Variants in GNAI3 observed in about 807,000 individuals in gnomAD.
The protein encoded by GNAI3 is guanine nucleotide-binding protein G(i) subunit alpha-3.
In GNAI3, 12 loss-of-function variants were observed where a neutral mutation model predicts 41.8. The observed-to-expected ratio is 0.29, with a 90% CI of 0.18 to 0.47. The LOEUF is 0.47. Among genes scored for constraint, GNAI3 ranks in the 20% least tolerant of loss-of-function variants. The pLI, the probability that GNAI3 is intolerant of heterozygous loss-of-function variation, is 1.00. For synonymous variants in GNAI3, 132 were observed against 146.5 expected, an observed-to-expected ratio of 0.90 and a Z score of 0.71; for missense variants, 360 against 429.6, an observed-to-expected ratio of 0.84 and a Z score of 1.43.
intron 3 of GNAI3, among the ~76,000 whole-genome samples, chr1:109,575,060 G>C (rs1404684735): frequency 6.6e-6 from 1 of 152,216 alleles, no homozygotes; most frequent in East Asian, 1.9e-4. Flanking sequence ...CTGGATTAGG[G>C]ATTGTGAAAT....
chr1:109,548,696 C>T lies in GNAI3; in HGVS notation c.-25C>T. 6.5e-7 allele frequency: 1 copy of T among 1,528,630 alleles called. No homozygotes were observed. Among genetic ancestry groups the T allele is most frequent in the Non-Finnish European group, 9.1e-7 (1 of 1,103,816 alleles). 94.7% of individuals were successfully genotyped at this position (1,528,630 alleles called of 1,614,324 possible). ...TTCCGTGGTGTGAGTGAGTCCGGGC[C>T]CGTGTCCCCTCTCCCGCCGCCGCCA... On this transcript the variant is annotated 5_prime_UTR_variant, in exon 1 of 9. Transcript: ENST00000369851.
chr1:109,586,485 C>A, intron 6 of GNAI3, 140 bp downstream of exon 6: 1 of 889,326 alleles, frequency 1.1e-6, no homozygotes, highest in Non-Finnish European at 1.7e-6. Context: ...TGCCCTATTA[C>A]TCTAAAAAAG....
At chr1:109,557,255 G>A (rs1169703018) in intron 1 of GNAI3, among the ~76,000 whole-genome samples, 4 of 152,092 alleles carry the variant, frequency 2.6e-5, no homozygotes, top group Admixed American at 2.0e-4. Flanking sequence ...CTGTTTTGAT[G>A]TTCTGAATTG....
At chr1:109,568,531 G>A (rs947843002) in intron 1 of GNAI3, among the ~76,000 whole-genome samples, 4 of 152,068 alleles carry the variant, frequency 2.6e-5, no homozygotes, top group Non-Finnish European at 5.9e-5. Context: ...GGGTGACAGA[G>A]CAAGACTCTG....
At chr1:109,589,214 A>G (rs527333169) in intron 7 of GNAI3, among the ~76,000 whole-genome samples, 8 of 152,206 alleles carry the variant, frequency 5.3e-5, no homozygotes, top group Non-Finnish European at 1.0e-4. Context: ...AGCAGCCTCT[A>G]TTGGCAGGAG....
At chr1:109,553,633 G>A (rs1482056818) in intron 1 of GNAI3, among the ~76,000 whole-genome samples, 2 of 152,166 alleles carry the variant, frequency 1.3e-5, no homozygotes, top group African/African-American at 2.4e-5. Flanking sequence ...GGATGCATCT[G>A]TGTTTCGGGG....
intron 3 of GNAI3, among the ~76,000 whole-genome samples, chr1:109,578,269 G>A (rs1172228725): frequency 1.3e-5 from 2 of 151,948 alleles, no homozygotes. Flanking sequence ...TCAGGTGTTC[G>A]AGACCAGCCT....
intron 7 of GNAI3, among the ~76,000 whole-genome samples, chr1:109,587,751 T>C (rs1649069093): frequency 6.6e-6 from 1 of 152,098 alleles, no homozygotes; most frequent in Non-Finnish European, 1.5e-5. Context: ...ATGGGGTGCA[T>C]GATATAGAAG....
intron 3 of GNAI3, among the ~76,000 whole-genome samples, chr1:109,576,144 C>T (rs1375770714): frequency 6.6e-6 from 1 of 152,182 alleles, no homozygotes; most frequent in African/African-American, 2.4e-5. Flanking sequence ...TTTTGGCTCA[C>T]TGCAACCTCT....
At chr1:109,586,070 T>G (rs1228013507) in intron 5 of GNAI3, 146 bp from the exon 6 acceptor site, 2 of 541,058 alleles carry the variant, frequency 3.7e-6, no homozygotes, top group Middle Eastern at 3.0e-4. Flanking sequence ...CCAGGATAAT[T>G]ATTTTGACTG....
chr1:109,586,580 G>A (rs1571162431), intron 6 of GNAI3, 149 bp from the exon 7 acceptor site: 1 of 684,556 alleles, frequency 1.5e-6, no homozygotes, highest in East Asian at 2.7e-5. Flanking sequence ...ACAAAAATGA[G>A]GACTGACACT....
intron 1 of GNAI3, among the ~76,000 whole-genome samples, chr1:109,558,870 A>C (rs978308906): frequency 1.3e-5 from 2 of 151,978 alleles, no homozygotes; most frequent in African/African-American, 4.8e-5. Context: ...GAAAGAAGGG[A>C]TGCAGGTCTT....
chr1:109,587,408 A>G lies in GNAI3; in HGVS notation c.874+526A>G, dbSNP rs116831366. 9.2e-3 allele frequency among the ~76,000 whole-genome samples: 1,399 copies of G among 152,328 alleles called. 22 individuals carry two copies. The highest frequency in any genetic ancestry group is 0.012 in the Non-Finnish European group (829 of 68,032). On this transcript the variant is annotated intron_variant, in intron 7 of 8. Coordinates refer to ENST00000369851, the MANE Select transcript of GNAI3 (RefSeq NM_006496.4). ...CATAAATAATTTTATTATAGTGTAAAATATGCATTAATAGAAGTGGAATAG... is the reference window on the plus strand; with the variant it reads ...CATAAATAATTTTATTATAGTGTAAGATATGCATTAATAGAAGTGGAATAG...
Position 109,548,715 on chromosome 1 carries a change from G to A in GNAI3, c.-6G>A, listed in dbSNP as rs1647893275. 8 of 1,606,414 alleles carry A rather than the reference G, an allele frequency of 5.0e-6. No individual in the cohort carries two copies. The South Asian group carries it at 8.8e-5, about 18-fold the overall frequency. ...CCGGGCCCGTGTCCCCTCTCCCGCC[G>A]CCGCCATGGGCTGCACGTTGAGCGC... On this transcript the variant is annotated 5_prime_UTR_variant, in exon 1 of 9. Coordinates refer to ENST00000369851, the MANE Select transcript of GNAI3 (RefSeq NM_006496.4).
At chr1:109,575,861 T>C (rs891559414) in intron 3 of GNAI3, among the ~76,000 whole-genome samples, 3 of 152,052 alleles carry the variant, frequency 2.0e-5, no homozygotes, top group African/African-American at 7.2e-5. Context: ...TCAATTGTCA[T>C]TAATCTTTGT....
chr1:109,584,148 TC>T (rs1648978205), intron 5 of GNAI3, among the ~76,000 whole-genome samples: 1 of 152,312 alleles, frequency 6.6e-6, no homozygotes, highest in Non-Finnish European at 1.5e-5. Context: ...AAACAACTGT[TC>T]CACAGGATTT....
intron 1 of GNAI3, among the ~76,000 whole-genome samples, chr1:109,573,103 G>A (rs953703478): frequency 6.6e-6 from 1 of 152,160 alleles, no homozygotes; most frequent in African/African-American, 2.4e-5. Context: ...TGGAAGATAG[G>A]AAAATGAGTT....
intron 1 of GNAI3, among the ~76,000 whole-genome samples, chr1:109,564,856 C>CTTATGTG (rs1648408461): frequency 6.6e-6 from 1 of 152,066 alleles, no homozygotes; most frequent in South Asian, 2.1e-4. Context: ...TCTTATGTGC[C>CTTATGTG]CTTTAAGCCT....
At position 109,593,929 on chromosome 1, in the gene GNAI3, T is replaced by G. The variant is rs1173268152; in HGVS notation, c.*1607T>G. On this transcript the variant is annotated 3_prime_UTR_variant, in exon 9 of 9. Transcript: ENST00000369851. ...TTTGGATTGGATTCTATTTCATCTT[T>G]TGATGTGACTTTTCACTAGTTTACA... The G allele has an allele frequency of 6.6e-6, 1 of 152,638 alleles. No individual in the cohort carries two copies. The highest frequency in any genetic ancestry group is 2.4e-5 in the African/African-American group (1 of 41,452). 9.5% of individuals were successfully genotyped at this position (152,638 alleles called of 1,614,324 possible).
Sources: allele counts gnomAD v4.1 joint callset (sites outside exome capture counted in the v4.1 genomes callset), GRCh38; gene constraint gnomAD v4.1.1; transcripts MANE v1.5; gene names NCBI Gene and HGNC (gene_info 2026-07-23, HGNC 2026-07-21).